Variants in DLGAP2 observed in about 807,000 individuals in gnomAD.
DLGAP2 encodes the protein disks large-associated protein 2.
In DLGAP2, 26 loss-of-function variants were observed where a neutral mutation model predicts 100.3. The ratio of observed to expected loss-of-function variants is 0.26; its 90% CI spans 0.19 to 0.36. DLGAP2 has a LOEUF of 0.36. Ranked by LOEUF, DLGAP2 falls within the 10% of genes least tolerant of loss-of-function variation. The pLI is 1.00. For missense variants in DLGAP2, 1,858 were observed against 1,453.2 expected (o/e 1.28, Z -4.53); for synonymous variants, 886 against 630.1 (o/e 1.41, Z -6.08).
intron 3 of DLGAP2, among the ~76,000 whole-genome samples, chr8:1,262,197 C>T (rs1418673550): frequency 6.6e-6 from 1 of 152,198 alleles, no homozygotes; most frequent in Non-Finnish European, 1.5e-5. Context: ...CTGGAGACCT[C>T]AGAATTCTAC....
chr8:1,683,684 C>T (rs1585060697), intron 12 of DLGAP2, among the ~76,000 whole-genome samples: 1 of 149,388 alleles, frequency 6.7e-6, no homozygotes, highest in Non-Finnish European at 1.5e-5. Flanking sequence ...GGATGCCACA[C>T]TCCTGCTCAC....
rs570735904 is a variant in DLGAP2, at chr8:1,407,730, A to G, written c.107-93636A>G. On this transcript the variant is annotated intron_variant, in intron 3 of 14. Transcript: ENST00000637795. ...AGAGTCGTGTATTGAGTGCTTACTG[A>G]GCGCCAGCTCGTCATCCTCCAGAGT... 1.4e-4 allele frequency among the ~76,000 whole-genome samples: 18 copies of G among 127,546 alleles called. 4 individuals are homozygous for G. Among genetic ancestry groups the G allele is most frequent in the Admixed American group, 1.1e-3 (14 of 13,008 alleles). The allele number at this position is 127,546 out of a possible 152,430, so 83.7% of individuals were successfully genotyped here.
intron 3 of DLGAP2, among the ~76,000 whole-genome samples, chr8:1,389,875 C>G (rs765928201): frequency 6.6e-6 from 1 of 152,058 alleles, no homozygotes; most frequent in Non-Finnish European, 1.5e-5. Context: ...AATTGGAAGA[C>G]AACAGTGATT....
intron 8 of DLGAP2, among the ~76,000 whole-genome samples, chr8:1,645,351 C>T (rs986821507): frequency 2.0e-5 from 3 of 152,186 alleles, no homozygotes; most frequent in African/African-American, 7.2e-5. Context: ...ATAAAACAGG[C>T]ATTAAGTGAG....
At chr8:776,589 G>T (rs2132616765) in intron 1 of DLGAP2, among the ~76,000 whole-genome samples, 1 of 152,312 alleles carries the variant, frequency 6.6e-6, no homozygotes, top group Admixed American at 6.5e-5. Flanking sequence ...CTTTATTTCT[G>T]CCTTCATTTC....
At chr8:1,383,148 GGC>G (rs1375448865) in intron 3 of DLGAP2, among the ~76,000 whole-genome samples, 1 of 152,006 alleles carries the variant, frequency 6.6e-6, no homozygotes, top group East Asian at 1.9e-4. Flanking sequence ...TATCTATTTT[GGC>G]AAATTTATAA....
chr8:1,670,088 A>C (rs537236323), intron 10 of DLGAP2, among the ~76,000 whole-genome samples: 11 of 152,048 alleles, frequency 7.2e-5, no homozygotes, highest in African/African-American at 2.7e-4. Flanking sequence ...GAGGCCCCCA[A>C]ATTAGCCAGG....
At chr8:1,217,119 C>T (rs913431612) in intron 2 of DLGAP2, among the ~76,000 whole-genome samples, 3 of 152,148 alleles carry the variant, frequency 2.0e-5, no homozygotes, top group African/African-American at 7.2e-5. Context: ...CCACCCTTCA[C>T]CCTCAAATAG....
intron 2 of DLGAP2, among the ~76,000 whole-genome samples, chr8:1,069,830 G>A (rs549210998): frequency 6.6e-6 from 1 of 152,300 alleles, no homozygotes; most frequent in Non-Finnish European, 1.5e-5. Flanking sequence ...GGAGGATGCT[G>A]TGAGGGCCTG....
chr8:1,631,839 C>T (rs1208018278), intron 7 of DLGAP2, among the ~76,000 whole-genome samples: 1 of 152,216 alleles, frequency 6.6e-6, no homozygotes, highest in Non-Finnish European at 1.5e-5. Flanking sequence ...GACAGGCAAC[C>T]AGTGTCGTGT....
At chr8:1,283,637 G>A (rs1232909028) in intron 3 of DLGAP2, among the ~76,000 whole-genome samples, 3 of 152,166 alleles carry the variant, frequency 2.0e-5, no homozygotes, top group African/African-American at 7.2e-5. Context: ...AATTTTCATT[G>A]AATATTCAGC....
At chr8:1,694,484 G>A (rs1799330498) in intron 13 of DLGAP2, among the ~76,000 whole-genome samples, 1 of 152,202 alleles carries the variant, frequency 6.6e-6, no homozygotes, top group Admixed American at 6.5e-5. Flanking sequence ...CTCAGGGTCG[G>A]GATGTGCAGG....
At chr8:1,179,527 T>A (rs1797335695) in intron 2 of DLGAP2, among the ~76,000 whole-genome samples, 1 of 152,276 alleles carries the variant, frequency 6.6e-6, no homozygotes, top group South Asian at 2.1e-4. Flanking sequence ...GGATGAGGCT[T>A]CCACCTCTCT....
At chr8:949,301 C>A (rs572970029) in intron 2 of DLGAP2, among the ~76,000 whole-genome samples, 1 of 152,138 alleles carries the variant, frequency 6.6e-6, no homozygotes, top group Non-Finnish European at 1.5e-5. Flanking sequence ...GCGGACCAGG[C>A]CGTTGGGCGT....
chr8:1,295,603 A>G (rs1355483908), intron 3 of DLGAP2, among the ~76,000 whole-genome samples: 1 of 152,130 alleles, frequency 6.6e-6, no homozygotes, highest in Non-Finnish European at 1.5e-5. Context: ...GCAGGGGAAC[A>G]TGTGTCAAGG....
In DLGAP2 at chr8:1,572,011, G is replaced by A. The variant is rs1256899059; in HGVS notation, c.1442+6117G>A. ...AGGAGAGAGGGTGAACTGTGGGGGC[G>A]TCTGATGAGACGGAGAGGAGAGAGG... On this transcript the variant is annotated intron_variant, in intron 6 of 14. Transcript: ENST00000637795. 3.3e-3 allele frequency among the ~76,000 whole-genome samples: 350 copies of A among 106,398 alleles called. 7 individuals are homozygous for A. Among genetic ancestry groups the A allele is most frequent in the African/African-American group, 0.011 (314 of 27,326 alleles). The allele number at this position is 106,398 out of a possible 152,430, so 69.8% of individuals were successfully genotyped here. A position where few individuals can be genotyped will look rare whatever the true frequency, so the allele number is the denominator to read the frequency against.
intron 2 of DLGAP2, among the ~76,000 whole-genome samples, chr8:1,112,890 A>G (rs541913796): frequency 1.1e-4 from 17 of 152,350 alleles, no homozygotes; most frequent in African/African-American, 4.1e-4. Flanking sequence ...ACATGGCATA[A>G]GGAAGGGGTC....
In DLGAP2 at chr8:1,549,440, C is replaced by T. The variant is rs368715971; in HGVS notation, c.987C>T (p.Asp329=). The T allele has an allele frequency of 5.3e-5, 85 of 1,613,376 alleles. No homozygotes were observed. In the Admixed American group the frequency reaches 9.8e-4, roughly 19 times the overall value. ...HLGPVAHCYP[D]ALQSPFGDLS... is the part of the protein sequence containing the mutation. ...GCCCCGTGGCCCACTGCTACCCCGA[C>T]GCGCTGCAGAGCCCCTTCGGGGACC... is the stretch of plus-strand genomic sequence containing the variant. Residue 329 remains aspartate, a synonymous_variant, in exon 5 of 15, where the codon GAC becomes GAT. Transcript: ENST00000637795.
chr8:953,558 G>T (rs960086953), intron 2 of DLGAP2, among the ~76,000 whole-genome samples: 1 of 152,174 alleles, frequency 6.6e-6, no homozygotes, highest in South Asian at 2.1e-4. Flanking sequence ...AATACTTTCA[G>T]TTGTTTTTCT....
Sources: gnomAD v4.1 joint callset for allele counts (sites outside exome capture counted in the v4.1 genomes callset) on GRCh38, gnomAD v4.1.1 for gene constraint, MANE v1.5 for transcripts, NCBI Gene and HGNC (gene_info 2026-07-23, HGNC 2026-07-21) for gene names.